The following CD163L1 variants were observed in gnomAD, a reference collection of about 807,000 sequenced individuals.
The protein encoded by CD163L1 is scavenger receptor cysteine-rich type 1 protein M160.
Under a neutral mutation model 165.4 loss-of-function variants are expected in CD163L1, and 124 were observed. The ratio of observed to expected loss-of-function variants is 0.75; its 90% CI spans 0.65 to 0.87. The LOEUF is 0.87. Among genes scored for constraint, CD163L1 ranks in the 40% least tolerant of loss-of-function variants. CD163L1 has a pLI of 0.00. For synonymous variants in CD163L1, 585 were observed against 662.2 expected, an observed-to-expected ratio of 0.88 and a Z score of 1.79; for missense variants, 1,525 against 1,799.9, an observed-to-expected ratio of 0.85 and a Z score of 2.76.
chr12:7,334,560 A>T, the CD163L1 span, among the ~76,000 whole-genome samples: 3 of 152,200 alleles, frequency 2.0e-5, no homozygotes, highest in Non-Finnish European at 4.4e-5. Flanking sequence ...AACCGGAAGC[A>T]TTCCCTTTGA....
At chr12:7,386,553 A>G (rs1947520087) in intron 8 of CD163L1, among the ~76,000 whole-genome samples, 1 of 151,174 alleles carries the variant, frequency 6.6e-6, no homozygotes, top group African/African-American at 2.4e-5. Flanking sequence ...TGATGAACAT[A>G]GATATAAAAA....
At chr12:7,430,514 A>C (rs1188059015) in intron 4 of CD163L1, among the ~76,000 whole-genome samples, 1 of 152,170 alleles carries the variant, frequency 6.6e-6, no homozygotes, top group Admixed American at 6.5e-5. Flanking sequence ...TAAAACATAA[A>C]CATGTATAGA....
At chr12:7,333,907 C>T in the CD163L1 span, among the ~76,000 whole-genome samples, 1 of 152,258 alleles carries the variant, frequency 6.6e-6, no homozygotes, top group South Asian at 2.1e-4. Context: ...GGATAAATTC[C>T]TGGACACATA....
rs746966124 is a variant in CD163L1, at chr12:7,359,359, A to G, written c.4280-1873T>C. Among the ~76,000 whole-genome samples the G allele has an allele frequency of 7.2e-5, 11 of 152,236 alleles. No individual in the cohort carries two copies. The South Asian group carries it at 2.3e-3, about 32-fold the overall frequency. ...AATCAAAGACAAATAAAAAATATTA[A>G]AAGAAGCCAGAGGAAAAAAATTGTC... On this transcript the variant is annotated intron_variant, in intron 18 of 19. Coordinates refer to ENST00000313599, the MANE Select transcript of CD163L1 (RefSeq NM_174941.6).
Position 7,367,344 on chromosome 12 carries a change from G to A in CD163L1, c.4184-13C>T. On this transcript the variant is annotated splice_polypyrimidine_tract_variant and intron_variant, in intron 17 of 19. Coordinates refer to ENST00000313599, the MANE Select transcript of CD163L1 (RefSeq NM_174941.6). The stretch of plus-strand genomic sequence containing the variant: ...CTTCTGGTTGAAACTGAGAATGGAT[G>A]CTTCATGGTTAGGATTCAAATTCAA... 1 of 1,568,862 alleles carries A rather than the reference G, an allele frequency of 6.4e-7. No individual in the cohort carries two copies. Among genetic ancestry groups the A allele is most frequent in the Non-Finnish European group, 8.8e-7 (1 of 1,139,280 alleles).
chr12:7,373,506 T>C lies in CD163L1; in HGVS notation c.3544A>G (p.Arg1182Gly), dbSNP rs1947186799. Reference sequence around the variant, plus strand: ...CCATTCTCCCCACAGCCCAGCTGCCTGCACACAATGCCTGCTATGGCTGTG... The same window carrying C: ...CCATTCTCCCCACAGCCCAGCTGCCCGCACACAATGCCTGCTATGGCTGTG... Reference protein sequence around the residue: ...ITTAIAGIVCRQLGCGENGVV... With the variant: ...ITTAIAGIVCGQLGCGENGVV... Residue 1182 changes from arginine to glycine, a missense_variant, in exon 14 of 20, where the codon AGG becomes GGG. Coordinates refer to ENST00000313599, the MANE Select transcript of CD163L1 (RefSeq NM_174941.6). 1 of 1,614,092 alleles carries C rather than the reference T, an allele frequency of 6.2e-7. No homozygotes were observed. The highest frequency in any genetic ancestry group is 8.5e-7 in the Non-Finnish European group (1 of 1,180,028).
At chr12:7,426,966 A>G (rs949671253) in intron 4 of CD163L1, among the ~76,000 whole-genome samples, 6 of 152,210 alleles carry the variant, frequency 3.9e-5, no homozygotes, top group Admixed American at 3.3e-4. Context: ...AAAGAAGTCC[A>G]TTATATAATG....
chr12:7,439,040 C>G (rs1296154871), intron 2 of CD163L1: 3 of 1,604,050 alleles, frequency 1.9e-6, no homozygotes, highest in East Asian at 4.5e-5. Context: ...CTCCTCAGCA[C>G]TCATGGCACT....
At chr12:7,439,992 A>G (rs1048171972) in intron 2 of CD163L1, 4 of 1,541,982 alleles carry the variant, frequency 2.6e-6, no homozygotes, top group Non-Finnish European at 2.6e-6. Context: ...GCTCCATCCT[A>G]GCAGCTCCGC....
intron 1 of CD163L1, 34 bp downstream of exon 1, chr12:7,444,063 C>A (rs1462487328): frequency 1.2e-6 from 2 of 1,610,622 alleles, no homozygotes; most frequent in Non-Finnish European, 1.7e-6. Flanking sequence ...CACCATCTCC[C>A]AAATGGCAGA....
At chr12:7,363,110 G>A (rs556751145) in intron 18 of CD163L1, among the ~76,000 whole-genome samples, 1 of 152,062 alleles carries the variant, frequency 6.6e-6, no homozygotes, top group East Asian at 1.9e-4. Flanking sequence ...ATAGAGACCA[G>A]CCCGACCAAC....
the CD163L1 span, among the ~76,000 whole-genome samples, chr12:7,331,147 C>T: frequency 6.6e-6 from 1 of 152,272 alleles, no homozygotes; most frequent in Non-Finnish European, 1.5e-5. Flanking sequence ...TATCCCACAC[C>T]TGGCTCAGAG....
chr12:7,438,468 A>G (rs1227553616), intron 2 of CD163L1, among the ~76,000 whole-genome samples: 1 of 152,210 alleles, frequency 6.6e-6, no homozygotes, highest in African/African-American at 2.4e-5. Context: ...AGGATGTGAA[A>G]AGCTAATAAA....
Position 7,396,411 on chromosome 12 carries a change from A to G in CD163L1, c.1734T>C (p.Asp578=). Residue 578 remains aspartate, a synonymous_variant, in exon 8 of 20, where the codon GAT becomes GAC. Transcript: ENST00000313599. The stretch of plus-strand genomic sequence containing the variant: ...CCACCAGCCTCAGGCCCCATGTTGC[A>G]TCACCTGCACCAAGAACAATGAAGC... ...REDVIVTCSG[D]ATWGLRLVGG... 1 of 1,603,030 alleles carries G rather than the reference A, an allele frequency of 6.2e-7. No homozygotes were observed. Among genetic ancestry groups the G allele is most frequent in the African/African-American group, 1.3e-5 (1 of 74,874 alleles).
intron 6 of CD163L1, 35 bp downstream of exon 6, chr12:7,403,500 C>T (rs763442781): frequency 5.8e-6 from 9 of 1,548,572 alleles, no homozygotes; most frequent in Non-Finnish European, 3.5e-6. Flanking sequence ...TCTAAAAATT[C>T]AAATGTGTAC....
chr12:7,363,514 C>G (rs962306967), intron 18 of CD163L1, among the ~76,000 whole-genome samples: 3 of 151,400 alleles, frequency 2.0e-5, no homozygotes, highest in African/African-American at 7.3e-5. Flanking sequence ...AAAGATAAAC[C>G]AAATTGATAA....
rs1407723939 is a variant in CD163L1, at chr12:7,375,536, T to G, written c.2746A>C (p.Asn916His). 6.2e-7 allele frequency: 1 copy of G among 1,613,848 alleles called. No homozygotes were observed. The highest frequency in any genetic ancestry group is 1.3e-5 in the African/African-American group (1 of 74,920). ...KSQCDGQVEI[N>H]VLGHWGSLCD... ...AGTGAGCCCCAGTGTCCAAGCACGT[T>G]GATCTCCACTTGCCCGTCACACTGG... Residue 916 changes from asparagine (N) to histidine (H), a missense_variant, in exon 11 of 20, where the codon AAC (asparagine) becomes CAC (histidine). By Grantham distance (68) the Asn-to-His change is moderately conservative. Coordinates refer to ENST00000313599, the MANE Select transcript of CD163L1 (RefSeq NM_174941.6).
chr12:7,439,946 CAG>C (rs563906208), intron 2 of CD163L1: 2 of 1,581,702 alleles, frequency 1.3e-6, no homozygotes, highest in Admixed American at 1.8e-5. Context: ...GCAGCTGACA[CAG>C]GGGCTGCGGT....
intron 1 of CD163L1, 134 bp downstream of exon 1, chr12:7,443,963 A>T (rs1316040238): frequency 1.2e-6 from 1 of 847,798 alleles, no homozygotes; most frequent in Non-Finnish European, 1.7e-6. Context: ...AAAACTTTCA[A>T]TTTTTTTATA....
Sources: allele counts gnomAD v4.1 joint callset (sites outside exome capture counted in the v4.1 genomes callset), GRCh38; gene constraint gnomAD v4.1.1; transcripts MANE v1.5; gene names NCBI Gene and HGNC (gene_info 2026-07-23, HGNC 2026-07-21).